SLC35F3: variants seen among roughly 807,000 people sequenced by gnomAD.
The protein encoded by SLC35F3 is putative thiamine transporter SLC35F3.
Under a neutral mutation model 49.9 loss-of-function variants are expected in SLC35F3, and 25 were observed. That is an observed-to-expected ratio of 0.50 (90% confidence interval 0.37 to 0.70). The LOEUF is 0.70. Ranked by LOEUF, SLC35F3 falls within the 30% of genes least tolerant of loss-of-function variation. The pLI is 0.00. For synonymous variants in SLC35F3, 275 were observed against 265.4 expected (o/e 1.04, Z -0.35); for missense variants, 525 against 639.8 (o/e 0.82, Z 1.94).
rs1344451075 is a variant in SLC35F3, at chr1:234,046,569, G to A, written c.283+140811G>A. 6.6e-6 allele frequency among the ~76,000 whole-genome samples: 1 copy of A among 152,010 alleles called. No individual in the cohort carries two copies. The highest frequency in any genetic ancestry group is 1.5e-5 in the Non-Finnish European group (1 of 67,968). ...TGGTTTTTATTTGCACTTTGTTTGT[G>A]AGGTCTTTTTTGTTTGTGCAAGTTA... On this transcript the variant is annotated intron_variant, in intron 2 of 7. Transcript: ENST00000366618. The surrounding 1 kb of genome is among the most constrained non-coding windows in gnomAD (Gnocchi z 4.4).
At chr1:234,190,125 G>A (rs538623883) in intron 2 of SLC35F3, among the ~76,000 whole-genome samples, 1 of 152,078 alleles carries the variant, frequency 6.6e-6, no homozygotes, top group East Asian at 1.9e-4. Flanking sequence ...TTAAAGCATG[G>A]GTCTCACGGG....
chr1:234,029,098 A>G (rs1664020152), intron 2 of SLC35F3, among the ~76,000 whole-genome samples: 1 of 152,206 alleles, frequency 6.6e-6, no homozygotes, highest in Admixed American at 6.5e-5. Context: ...TTCGAAAAAC[A>G]TCGGTCATTT....
chr1:233,940,228 G>A (rs1662398584), intron 2 of SLC35F3, among the ~76,000 whole-genome samples: 1 of 152,058 alleles, frequency 6.6e-6, no homozygotes, highest in African/African-American at 2.4e-5. Flanking sequence ...TATTGTTGAT[G>A]TCTTTCAGTG....
rs547075520 is a variant in SLC35F3, at chr1:233,967,019, G to A, written c.283+61261G>A. Among the ~76,000 whole-genome samples the A allele has an allele frequency of 7.2e-5, 11 of 152,238 alleles. No individual in the cohort carries two copies. In the East Asian group the frequency reaches 1.9e-3, roughly 27 times the overall value. ...AGTCAACTTTCTACCTATACTTTTT[G>A]AGTAGGGTTGCCAGACTGAGCAAAT... On this transcript the variant is annotated intron_variant, in intron 2 of 7. Transcript: ENST00000366618.
intron 2 of SLC35F3, among the ~76,000 whole-genome samples, chr1:233,975,717 G>A (rs1054038825): frequency 6.6e-6 from 1 of 152,190 alleles, no homozygotes; most frequent in African/African-American, 2.4e-5. Context: ...TGCCCAGGGC[G>A]ACATGCGTCG....
chr1:234,011,079 A>G (rs1558204661), intron 2 of SLC35F3, among the ~76,000 whole-genome samples: 1 of 152,198 alleles, frequency 6.6e-6, no homozygotes, highest in Non-Finnish European at 1.5e-5. Flanking sequence ...AACATCACCA[A>G]ACTTCTAAAC....
intron 3 of SLC35F3, among the ~76,000 whole-genome samples, chr1:234,307,773 C>A (rs1657236066): frequency 6.6e-6 from 1 of 152,190 alleles, no homozygotes; most frequent in African/African-American, 2.4e-5. Context: ...AGCACCATGT[C>A]CATGAGCCTG....
intron 2 of SLC35F3, among the ~76,000 whole-genome samples, chr1:234,175,417 G>T (rs1326654980): frequency 6.6e-6 from 1 of 152,128 alleles, no homozygotes; most frequent in Admixed American, 6.5e-5. Flanking sequence ...GAAGCAAAAG[G>T]AGGAGGTTAT....
intron 2 of SLC35F3, among the ~76,000 whole-genome samples, chr1:233,965,800 A>G (rs1239824449): frequency 6.6e-6 from 1 of 152,200 alleles, no homozygotes; most frequent in Non-Finnish European, 1.5e-5. Flanking sequence ...CTAATACCTC[A>G]AAACTGTGAA....
chr1:234,099,688 C>T (rs1271624774), intron 2 of SLC35F3, among the ~76,000 whole-genome samples: 1 of 150,842 alleles, frequency 6.6e-6, no homozygotes, highest in Non-Finnish European at 1.5e-5. Context: ...CAAGAGAACA[C>T]AGAGTTGCAT....
At chr1:234,263,983 C>T (rs1005244466) in intron 3 of SLC35F3, among the ~76,000 whole-genome samples, 14 of 152,152 alleles carry the variant, frequency 9.2e-5, no homozygotes, top group African/African-American at 3.1e-4. Flanking sequence ...GTGGCAGGCA[C>T]CTGTAATCCC....
chr1:234,239,891 T>C (rs141498387), intron 3 of SLC35F3, among the ~76,000 whole-genome samples: 2 of 152,348 alleles, frequency 1.3e-5, no homozygotes, highest in East Asian at 3.9e-4. Context: ...ATGGAGACTT[T>C]AATTCCCACT....
rs142457011 is a variant in SLC35F3 at position 234,199,473 on chromosome 1, A to G, written c.284-31944A>G. Among the ~76,000 whole-genome samples, 1,391 of 152,306 alleles carry G rather than the reference A, an allele frequency of 9.1e-3. 11 individuals are homozygous for G. The highest frequency in any genetic ancestry group is 0.024 in the Middle Eastern group (7 of 294). ...AATGAAATTGGACCTTATCTCAGAC[A>G]TTATATACAAAAAAATCAACTCAAA... On this transcript the variant is annotated intron_variant, in intron 2 of 7. Transcript: ENST00000366618.
intron 2 of SLC35F3, among the ~76,000 whole-genome samples, chr1:234,200,621 A>AT (rs111950633): frequency 1.2e-4 from 18 of 151,422 alleles, no homozygotes; most frequent in South Asian, 4.2e-4. Context: ...AAAATTAAGT[A>AT]TTTTTTTTTC....
intron 3 of SLC35F3, among the ~76,000 whole-genome samples, chr1:234,270,419 A>G (rs1158982598): frequency 6.6e-6 from 1 of 152,258 alleles, no homozygotes; most frequent in Non-Finnish European, 1.5e-5. Flanking sequence ...GAAATAAAAC[A>G]GATAAATCTA....
At chr1:234,321,986 G>T (rs1038893058) in intron 7 of SLC35F3, among the ~76,000 whole-genome samples, 1 of 151,862 alleles carries the variant, frequency 6.6e-6, no homozygotes, top group Non-Finnish European at 1.5e-5. Context: ...TTCTAGACCA[G>T]CCTGAGCAAC....
chr1:234,144,802 G>A (rs575535738), intron 2 of SLC35F3, among the ~76,000 whole-genome samples: 56 of 152,220 alleles, frequency 3.7e-4, no homozygotes, highest in Admixed American at 1.0e-3. Context: ...AATATTGTGC[G>A]GGGTGATAAG....
At chr1:234,061,350 T>C (rs539136705) in intron 2 of SLC35F3, among the ~76,000 whole-genome samples, 52 of 152,338 alleles carry the variant, frequency 3.4e-4, no homozygotes, top group African/African-American at 1.2e-3. Flanking sequence ...GATTCTCTTT[T>C]AAATGATAAG....
At chr1:234,076,815 T>C (rs1664798622) in intron 2 of SLC35F3, among the ~76,000 whole-genome samples, 1 of 151,982 alleles carries the variant, frequency 6.6e-6, no homozygotes, top group South Asian at 2.1e-4. Flanking sequence ...TTCTCTTCTG[T>C]CGATAAAGTG....
Sources: allele counts gnomAD v4.1 joint callset (sites outside exome capture counted in the v4.1 genomes callset), GRCh38; gene constraint gnomAD v4.1.1; non-coding constraint Gnocchi (gnomAD v3.1); transcripts MANE v1.5; gene names NCBI Gene and HGNC (gene_info 2026-07-23, HGNC 2026-07-21).